The following TSHZ2 variants were observed in gnomAD, a reference collection of about 807,000 sequenced individuals.
TSHZ2 encodes the protein teashirt homolog 2.
A neutral mutation model predicts 74.4 loss-of-function variants in TSHZ2; 21 were observed. The ratio of observed to expected loss-of-function variants is 0.28; its 90% CI spans 0.20 to 0.41. The LOEUF (loss-of-function observed/expected upper bound fraction) is 0.41. TSHZ2 is among the 10% of genes least tolerant of loss of function. The probability of loss-of-function intolerance (pLI) is 1.00; values close to 1 mark genes in which losing one functional copy is unlikely to be tolerated. For synonymous variants in TSHZ2, 540 were observed against 515.3 expected, an observed-to-expected ratio of 1.05 and a Z score of -0.65; for missense variants, 1,244 against 1,293.5, an observed-to-expected ratio of 0.96 and a Z score of 0.59.
At chr20:53,015,891 G>A (rs1983023263) in intron 1 of TSHZ2, among the ~76,000 whole-genome samples, 1 of 152,064 alleles carries the variant, frequency 6.6e-6, no homozygotes, top group South Asian at 2.1e-4. Flanking sequence ...TGAAAGTAAG[G>A]GCAGCACCTA....
intron 2 of TSHZ2, among the ~76,000 whole-genome samples, chr20:53,441,676 A>T (rs1984335114): frequency 7.0e-6 from 1 of 143,624 alleles, no homozygotes. Context: ...CCTGCCTCCC[A>T]AGTTCAAGCA....
intron 1 of TSHZ2, among the ~76,000 whole-genome samples, chr20:53,180,698 C>T (rs1214926141): frequency 6.6e-6 from 1 of 152,080 alleles, no homozygotes; most frequent in East Asian, 1.9e-4. Flanking sequence ...ACACTAAAAG[C>T]CCAGATGTCA....
intron 1 of TSHZ2, among the ~76,000 whole-genome samples, chr20:53,052,897 A>G (rs1216356055): frequency 6.6e-6 from 1 of 152,232 alleles, no homozygotes; most frequent in African/African-American, 2.4e-5. Context: ...TTCATATACC[A>G]TAAAATTCAC....
chr20:53,172,736 C>T, intron 1 of TSHZ2, among the ~76,000 whole-genome samples: 1 of 152,166 alleles, frequency 6.6e-6, no homozygotes, highest in South Asian at 2.1e-4. Context: ...CTTGCTAAAG[C>T]TTCACGGCTA....
intron 1 of TSHZ2, among the ~76,000 whole-genome samples, chr20:53,156,967 C>A (rs182220214): frequency 1.2e-4 from 18 of 152,158 alleles, no homozygotes; most frequent in African/African-American, 4.3e-4. Context: ...AGGTGCAGAG[C>A]TTTATTAAGC....
At chr20:53,148,624 T>C (rs1266702516) in intron 1 of TSHZ2, among the ~76,000 whole-genome samples, 2 of 152,108 alleles carry the variant, frequency 1.3e-5, no homozygotes, top group Non-Finnish European at 2.9e-5. Context: ...AAAAAAGTTT[T>C]TGCATTCAAT....
At chr20:53,428,786 C>T (rs1223046796) in intron 2 of TSHZ2, among the ~76,000 whole-genome samples, 2 of 152,154 alleles carry the variant, frequency 1.3e-5, no homozygotes, top group Non-Finnish European at 2.9e-5. Context: ...CCCACAGAGC[C>T]GTCTCATTCC....
At chr20:53,069,838 A>T (rs551606810) in intron 1 of TSHZ2, among the ~76,000 whole-genome samples, 1 of 152,292 alleles carries the variant, frequency 6.6e-6, no homozygotes, top group African/African-American at 2.4e-5. Context: ...TGCAATTGTC[A>T]CCATGTTAAT....
intron 2 of TSHZ2, among the ~76,000 whole-genome samples, chr20:53,294,547 TGGGCAAAAATTATAC>T (rs1991340584): frequency 6.6e-6 from 1 of 152,144 alleles, no homozygotes; most frequent in African/African-American, 2.4e-5. Flanking sequence ...AAATTTTTGC[TGGGCAAAAATTATAC>T]AACTGAGTCA....
chr20:53,209,723 C>A (rs927147054), intron 1 of TSHZ2, among the ~76,000 whole-genome samples: 3 of 152,120 alleles, frequency 2.0e-5, no homozygotes, highest in South Asian at 2.1e-4. Context: ...TGGTTTGGAG[C>A]CGAGCTGAAC....
chr20:53,230,050 A>T (rs976427614), intron 1 of TSHZ2, among the ~76,000 whole-genome samples: 1 of 20,174 alleles, frequency 5.0e-5, no homozygotes, highest in Non-Finnish European at 9.6e-5. Context: ...GAAGGAAGGG[A>T]GGGAGGGAGG....
chr20:53,288,764 A>G (rs1991222238), intron 2 of TSHZ2, among the ~76,000 whole-genome samples: 2 of 152,236 alleles, frequency 1.3e-5, no homozygotes, highest in East Asian at 3.8e-4. Context: ...AGAGAAAAAG[A>G]AGAGCAATAG....
chr20:53,004,659 G>A (rs1221437156), intron 1 of TSHZ2, among the ~76,000 whole-genome samples: 1 of 152,140 alleles, frequency 6.6e-6, no homozygotes, highest in Non-Finnish European at 1.5e-5. Flanking sequence ...CTTTTTAAAT[G>A]GTGTCCTAGG....
At position 53,255,678 on chromosome 20, in the gene TSHZ2, G is replaced by A. The variant is rs766745265; in HGVS notation, c.2220G>A (p.Pro740=). 35 of 1,586,326 alleles carry A rather than the reference G, an allele frequency of 2.2e-5. No homozygotes were observed. Among genetic ancestry groups the A allele is most frequent in the Middle Eastern group, 3.4e-4 (2 of 5,934 alleles). Residue 740 remains proline (P), a synonymous_variant, in exon 2 of 3, where the codon CCG becomes CCA. Transcript: ENST00000371497. This position sits in a 1 kb window ranked among gnomAD's most constrained non-coding sequence, Gnocchi z 4.1. Reference sequence around the variant, plus strand: ...CGAATCTCAATGTCATGGACAAGCCGGTCTTGAGTCCTGCCTCCACAAGGT... The same window carrying A: ...CGAATCTCAATGTCATGGACAAGCCAGTCTTGAGTCCTGCCTCCACAAGGT... The part of the protein sequence containing the change: ...HKSNLNVMDK[P]VLSPASTRSA...
intron 1 of TSHZ2, among the ~76,000 whole-genome samples, chr20:53,173,523 G>T (rs1216516909): frequency 2.6e-5 from 4 of 152,168 alleles, no homozygotes; most frequent in African/African-American, 7.2e-5. Context: ...CAGGAGAATC[G>T]CTTGAGCCCG....
At chr20:53,082,292 C>T (rs1260288609) in intron 1 of TSHZ2, among the ~76,000 whole-genome samples, 4 of 152,142 alleles carry the variant, frequency 2.6e-5, no homozygotes, top group Non-Finnish European at 5.9e-5. Context: ...AAATTTTTCT[C>T]ATTTGTGAGA....
At chr20:53,235,015 G>A (rs1180723011) in intron 1 of TSHZ2, among the ~76,000 whole-genome samples, 1 of 151,458 alleles carries the variant, frequency 6.6e-6, no homozygotes, top group Non-Finnish European at 1.5e-5. Flanking sequence ...GTGCCCAGTT[G>A]AGACCATTGT....
Position 53,255,378 on chromosome 20 carries a change from T to A in TSHZ2, c.1920T>A (p.Pro640=). Residue 640 remains proline (P), a synonymous_variant, in exon 2 of 3, where the codon CCT becomes CCA. Coordinates refer to ENST00000371497, the MANE Select transcript of TSHZ2 (RefSeq NM_173485.6). This position sits in a 1 kb window ranked among gnomAD's most constrained non-coding sequence, Gnocchi z 4.1. ...ATTCTTTCCGCAAAAGTGAAACACC[T>A]CCAGAAGCCAAAAAGACCGAGCTGG... ...EGDSFRKSET[P]PEAKKTELGP... 6.2e-7 allele frequency: 1 copy of A among 1,613,868 alleles called. No individual in the cohort carries two copies. Among genetic ancestry groups the A allele is most frequent in the Non-Finnish European group, 8.5e-7 (1 of 1,179,964 alleles).
chr20:53,474,036 G>A (rs1248098061), intron 2 of TSHZ2, among the ~76,000 whole-genome samples: 4 of 151,550 alleles, frequency 2.6e-5, no homozygotes, highest in African/African-American at 9.7e-5. Context: ...TCTGATTGGG[G>A]TACCTGAAAG....
Sources: gnomAD v4.1 joint callset for allele counts (sites outside exome capture counted in the v4.1 genomes callset) on GRCh38, gnomAD v4.1.1 for gene constraint, Gnocchi (gnomAD v3.1) non-coding constraint, MANE v1.5 for transcripts, NCBI Gene and HGNC (gene_info 2026-07-23, HGNC 2026-07-21) for gene names.